The following HPCAL1 variants were observed in gnomAD, a reference collection of about 807,000 sequenced individuals.
HPCAL1 encodes hippocalcin-like protein 1.
HPCAL1 carries 8 observed loss-of-function variants against 17.1 expected under a neutral mutation model. The observed-to-expected ratio is 0.47, with a 90% CI of 0.27 to 0.84. HPCAL1 has a LOEUF of 0.84. Among genes scored for constraint, HPCAL1 ranks in the 40% least tolerant of loss-of-function variants. The pLI, the probability that HPCAL1 is intolerant of heterozygous loss-of-function variation, is 0.13. For synonymous variants in HPCAL1, 112 were observed against 111.4 expected, an observed-to-expected ratio of 1.01 and a Z score of -0.03; for missense variants, 165 against 271.1, an observed-to-expected ratio of 0.61 and a Z score of 2.75.
chr2:10,348,165 C>A (rs1294911156), intron 1 of HPCAL1, among the ~76,000 whole-genome samples: 1 of 152,044 alleles, frequency 6.6e-6, no homozygotes, highest in African/African-American at 2.4e-5. Context: ...ATACTAGGGG[C>A]CAGCCCGGGC....
chr2:10,322,872 G>A (rs1268104174), intron 1 of HPCAL1, among the ~76,000 whole-genome samples: 5 of 152,154 alleles, frequency 3.3e-5, no homozygotes, highest in South Asian at 2.1e-4. Flanking sequence ...CGCTTGTCAC[G>A]TTTTATGTTG....
rs549911597 is a variant in HPCAL1, at chr2:10,398,177, G to A, written c.-25+1257G>A. On this transcript the variant is annotated intron_variant, in intron 2 of 4. Transcript: ENST00000307845. ...GTCAGCTGTCATAGGCTCCCGGGGG[G>A]ACACCTGGGGGAGGGACATTTGGGG... Among the ~76,000 whole-genome samples, 214 of 152,318 alleles carry A rather than the reference G, an allele frequency of 1.4e-3. 2 individuals are homozygous for A. Among genetic ancestry groups the A allele is most frequent in the African/African-American group, 4.6e-3 (191 of 41,586 alleles).
At chr2:10,403,693 G>T (rs1669788295) in intron 2 of HPCAL1, among the ~76,000 whole-genome samples, 1 of 152,010 alleles carries the variant, frequency 6.6e-6, no homozygotes, top group Admixed American at 6.5e-5. Flanking sequence ...ATGTTGGCCA[G>T]GCTGGTCTTG....
At chr2:10,406,914 C>G (rs1670008450) in intron 2 of HPCAL1, among the ~76,000 whole-genome samples, 1 of 152,188 alleles carries the variant, frequency 6.6e-6, no homozygotes, top group Non-Finnish European at 1.5e-5. Flanking sequence ...TCTCCCTGTT[C>G]TCTCCCCAGA....
At chr2:10,413,720 A>G (rs1423954053) in intron 2 of HPCAL1, among the ~76,000 whole-genome samples, 2 of 152,246 alleles carry the variant, frequency 1.3e-5, no homozygotes, top group African/African-American at 4.8e-5. Context: ...TTTCAGGCAG[A>G]TAAGTGTTAT....
At chr2:10,335,214 A>G (rs1664644631) in intron 1 of HPCAL1, among the ~76,000 whole-genome samples, 1 of 152,212 alleles carries the variant, frequency 6.6e-6, no homozygotes, top group Non-Finnish European at 1.5e-5. Flanking sequence ...ACACAGCAGG[A>G]GGAATGGGAC....
intron 1 of HPCAL1, among the ~76,000 whole-genome samples, chr2:10,387,828 A>T (rs1325543785): frequency 6.6e-6 from 1 of 152,224 alleles, no homozygotes; most frequent in Admixed American, 6.5e-5. Flanking sequence ...CCTTCTTCTC[A>T]GGGCCTGTTT....
chr2:10,334,504 C>T (rs984589944), intron 1 of HPCAL1, among the ~76,000 whole-genome samples: 1 of 151,428 alleles, frequency 6.6e-6, no homozygotes, highest in Non-Finnish European at 1.5e-5. Flanking sequence ...TGGAGTGAGA[C>T]CTTGTCTTTA....
intron 1 of HPCAL1, among the ~76,000 whole-genome samples, chr2:10,337,953 T>A (rs1038680139): frequency 1.3e-5 from 2 of 152,206 alleles, no homozygotes; most frequent in Non-Finnish European, 2.9e-5. Context: ...TGACTATCAC[T>A]GGACTTGGGG....
intron 1 of HPCAL1, among the ~76,000 whole-genome samples, chr2:10,303,399 T>G (rs1379948964): frequency 6.6e-6 from 1 of 152,210 alleles, no homozygotes; most frequent in African/African-American, 2.4e-5. Flanking sequence ...GGCATCCATG[T>G]GTGCCTTAGG....
chr2:10,377,876 A>G lies in HPCAL1; in HGVS notation c.-110-18959A>G, dbSNP rs112490809. Among the ~76,000 whole-genome samples the G allele has an allele frequency of 7.5e-3, 1,147 of 152,240 alleles. 4 individuals carry two copies. The highest frequency in any genetic ancestry group is 0.034 in the Middle Eastern group (10 of 294). On this transcript the variant is annotated intron_variant, in intron 1 of 4. Transcript: ENST00000307845. This position sits in a 1 kb window ranked among gnomAD's most constrained non-coding sequence, Gnocchi z 5.9. ...GGTATTCAAGGGCGGCAAGCCACCAAGGGGACGGGGCAGGCACAGGGAGGG... is the reference window on the plus strand; with the variant it reads ...GGTATTCAAGGGCGGCAAGCCACCAGGGGGACGGGGCAGGCACAGGGAGGG...
At chr2:10,334,411 G>A (rs539266429) in intron 1 of HPCAL1, among the ~76,000 whole-genome samples, 6 of 152,234 alleles carry the variant, frequency 3.9e-5, no homozygotes, top group African/African-American at 1.2e-4. Flanking sequence ...AGGAGGCTGA[G>A]GTGGGAGGCT....
intron 1 of HPCAL1, among the ~76,000 whole-genome samples, chr2:10,339,897 A>G (rs1305310576): frequency 6.6e-6 from 1 of 152,176 alleles, no homozygotes; most frequent in African/African-American, 2.4e-5. Flanking sequence ...GCGTGCGCCC[A>G]GCGGAGCCAG....
rs952590546 is a variant in HPCAL1, at chr2:10,426,945, T to C, written c.*124T>C. On this transcript the variant is annotated 3_prime_UTR_variant, in exon 5 of 5. Coordinates refer to ENST00000307845, the MANE Select transcript of HPCAL1 (RefSeq NM_002149.4). Reference sequence around the variant, plus strand: ...CGGGCCCCGGGCCTGGGGCATGCGTTGCACCTGCCCAGCCCGGTGGCTGCG... The same window carrying C: ...CGGGCCCCGGGCCTGGGGCATGCGTCGCACCTGCCCAGCCCGGTGGCTGCG... 79 of 856,982 alleles carry C rather than the reference T, an allele frequency of 9.2e-5. No homozygotes were observed. The African/African-American group carries it at 1.2e-3, about 13-fold the overall frequency. The allele number at this position is 856,982 out of a possible 1,614,324, so 53.1% of individuals were successfully genotyped here. A position where few individuals can be genotyped will look rare whatever the true frequency, so the allele number is the denominator to read the frequency against.
intron 1 of HPCAL1, among the ~76,000 whole-genome samples, chr2:10,364,873 C>G (rs1392930124): frequency 2.0e-5 from 3 of 152,170 alleles, no homozygotes; most frequent in Non-Finnish European, 4.4e-5. Flanking sequence ...GTGTGAGTCA[C>G]TGCACCTGAC....
intron 1 of HPCAL1, among the ~76,000 whole-genome samples, chr2:10,341,749 A>G (rs923936890): frequency 2.9e-4 from 44 of 152,152 alleles, no homozygotes; most frequent in African/African-American, 9.2e-4. Flanking sequence ...GCTGGGTCCA[A>G]CGCTTCCCAA....
chr2:10,318,515 G>A (rs993497882), intron 1 of HPCAL1, among the ~76,000 whole-genome samples: 1 of 152,202 alleles, frequency 6.6e-6, no homozygotes, highest in Admixed American at 6.5e-5. Context: ...TGATAAGGCC[G>A]CACGTGGGTG....
At position 10,304,010 on chromosome 2, in the gene HPCAL1, G is replaced by T. The variant is rs530159944; in HGVS notation, c.-111+833G>T. The T allele has an allele frequency of 6.6e-6, 1 of 152,376 alleles. No homozygotes were observed. Among genetic ancestry groups the T allele is most frequent in the Admixed American group, 6.5e-5 (1 of 15,306 alleles). 9.4% of individuals were successfully genotyped at this position (152,376 alleles called of 1,614,324 possible). The stretch of plus-strand genomic sequence containing the variant: ...CCTTTTTTTTTCCCCTTTATCGTGG[G>T]TGGGGCCTTACATTTTCCCCGGGCG... On this transcript the variant is annotated intron_variant, in intron 1 of 4. Transcript: ENST00000307845. The surrounding 1 kb of genome is among the most constrained non-coding windows in gnomAD (Gnocchi z 4.1).
intron 1 of HPCAL1, among the ~76,000 whole-genome samples, chr2:10,326,158 C>T (rs938367304): frequency 6.6e-6 from 1 of 152,166 alleles, no homozygotes; most frequent in African/African-American, 2.4e-5. Context: ...AAAGGCATCC[C>T]AGACAGAATC....
Sources: gnomAD v4.1 joint callset for allele counts (sites outside exome capture counted in the v4.1 genomes callset) on GRCh38, gnomAD v4.1.1 for gene constraint, Gnocchi (gnomAD v3.1) non-coding constraint, MANE v1.5 for transcripts, NCBI Gene and HGNC (gene_info 2026-07-23, HGNC 2026-07-21) for gene names.